The following GRAMD4 variants were observed in gnomAD, a reference collection of about 807,000 sequenced individuals.
GRAMD4 encodes GRAM domain containing 4, also known as GRAM domain-containing protein 4.
GRAMD4 carries 25 observed loss-of-function variants against 83.9 expected under a neutral mutation model. The observed-to-expected ratio is 0.30, with a 90% CI of 0.22 to 0.42. The LOEUF is 0.42. GRAMD4 is among the 10% of genes least tolerant of loss of function. The probability of loss-of-function intolerance (pLI) is 1.00; values close to 1 mark genes in which losing one functional copy is unlikely to be tolerated. For synonymous variants in GRAMD4, 336 were observed against 320.9 expected (o/e 1.05, Z -0.50); for missense variants, 593 against 788.7 (o/e 0.75, Z 2.97).
chr22:46,680,936 A>AC (rs927072090), downstream of GRAMD4, among the ~76,000 whole-genome samples: 12 of 24,986 alleles, frequency 4.8e-4, no homozygotes, highest in African/African-American at 2.1e-3. Flanking sequence ...CCATTTACCC[A>AC]CCCACCCACC....
intron 8 of GRAMD4, among the ~76,000 whole-genome samples, chr22:46,664,686 G>A (rs144638787): frequency 6.6e-6 from 1 of 152,258 alleles, no homozygotes; most frequent in Non-Finnish European, 1.5e-5. Flanking sequence ...TCCTCGGGGG[G>A]AGCCCCCTCA....
At chr22:46,663,410 G>A (rs544898983) in intron 6 of GRAMD4, among the ~76,000 whole-genome samples, 1 of 152,360 alleles carries the variant, frequency 6.6e-6, no homozygotes, top group East Asian at 1.9e-4. Context: ...TGTGGCTTGT[G>A]ACAGTTGTGT....
At chr22:46,576,587 T>C (rs576353223), upstream of GRAMD4, among the ~76,000 whole-genome samples, 7 of 152,280 alleles carry the variant, frequency 4.6e-5, no homozygotes, top group East Asian at 1.4e-3. Flanking sequence ...TGCGCGAGTC[T>C]AGCGGGGTTC....
At chr22:46,602,620 C>A (rs929913274) in intron 1 of GRAMD4, among the ~76,000 whole-genome samples, 6 of 151,912 alleles carry the variant, frequency 3.9e-5, no homozygotes, top group Non-Finnish European at 7.4e-5. Context: ...TGTGATCGTA[C>A]CACTGCACTC....
At chr22:46,662,188 G>A (rs988470804) in intron 5 of GRAMD4, among the ~76,000 whole-genome samples, 3 of 152,220 alleles carry the variant, frequency 2.0e-5, no homozygotes, top group Admixed American at 6.5e-5. Context: ...GGAAGAAGCC[G>A]CAGGAGCCTG....
chr22:46,617,816 T>TC (rs1423764174), upstream of GRAMD4, among the ~76,000 whole-genome samples: 1 of 152,106 alleles, frequency 6.6e-6, no homozygotes, highest in Non-Finnish European at 1.5e-5. Flanking sequence ...AAGGCTCAGC[T>TC]CCCCACATGG....
chr22:46,670,617 T>C (rs2082487861), intron 13 of GRAMD4, among the ~76,000 whole-genome samples: 1 of 152,094 alleles, frequency 6.6e-6, no homozygotes, highest in African/African-American at 2.4e-5. Context: ...CTGTCCTTTT[T>C]TTTCAAGACA....
Position 46,593,535 on chromosome 22 carries a change from A to C in GRAMD4, c.-50+16245A>C, listed in dbSNP as rs551088507. On this transcript the variant is annotated intron_variant, in intron 1 of 1. Coordinates refer to the GRAMD4 transcript ENST00000431155. ...GCGGGCAGAGGTGGGCTAGTGTTGC[A>C]TTAAGTGACTTCCCGTAGCAGGCTG... Among the ~76,000 whole-genome samples the C allele has an allele frequency of 3.9e-4, 59 of 152,018 alleles. No homozygotes were observed. In the South Asian group the frequency reaches 0.012, roughly 31 times the overall value.
intron 1 of GRAMD4, among the ~76,000 whole-genome samples, chr22:46,599,603 A>G (rs891831629): frequency 4.6e-5 from 7 of 152,332 alleles, no homozygotes; most frequent in African/African-American, 1.7e-4. Context: ...CTGGGATTAC[A>G]GGCATGAGCC....
intron 5 of GRAMD4, 29 bp from the exon 6 acceptor site, chr22:46,663,011 T>C (rs2082351779): frequency 3.8e-6 from 6 of 1,581,144 alleles, no homozygotes; most frequent in Non-Finnish European, 5.2e-6. Context: ...AGCCCTGCCG[T>C]GCCCTCACCG....
rs796795189 is a variant in GRAMD4, at chr22:46,603,392, G to A, written c.-49-23359G>A. ...CCGGCTAATTTTTTTGGTATTTTTA[G>A]TAGAGACGCGGTTTCACCGTGTTAA... On this transcript the variant is annotated intron_variant, in intron 1 of 1. Coordinates refer to the GRAMD4 transcript ENST00000431155. 5.3e-5 allele frequency among the ~76,000 whole-genome samples: 8 copies of A among 150,510 alleles called. No individual in the cohort carries two copies. The South Asian group carries it at 1.5e-3, about 28-fold the overall frequency.
At chr22:46,645,323 A>G (rs1319628891) in intron 3 of GRAMD4, among the ~76,000 whole-genome samples, 1 of 152,098 alleles carries the variant, frequency 6.6e-6, no homozygotes, top group African/African-American at 2.4e-5. Context: ...ACATTATGTA[A>G]TCTGGGGACC....
At chr22:46,642,583 G>A (rs2081988402) in intron 3 of GRAMD4, among the ~76,000 whole-genome samples, 1 of 152,136 alleles carries the variant, frequency 6.6e-6, no homozygotes, top group Non-Finnish European at 1.5e-5. Flanking sequence ...GTCTCTATTT[G>A]TTTCTTGTTC....
chr22:46,595,490 G>A (rs1487762261), intron 1 of GRAMD4, among the ~76,000 whole-genome samples: 1 of 152,252 alleles, frequency 6.6e-6, no homozygotes, highest in Non-Finnish European at 1.5e-5. Flanking sequence ...TTCTGGGCCT[G>A]GTGGTCAGTA....
intron 13 of GRAMD4, chr22:46,671,165 C>T (rs987788921): frequency 1.8e-5 from 8 of 452,838 alleles, no homozygotes; most frequent in Admixed American, 1.2e-4. Flanking sequence ...TCGGCCACCA[C>T]GTGGAGGAGG....
intron 13 of GRAMD4, chr22:46,671,068 G>A (rs1219501665): frequency 2.1e-6 from 1 of 468,208 alleles, no homozygotes; most frequent in African/African-American, 2.0e-5. Context: ...AGGGACCTCA[G>A]CTTAGAGGGG....
chr22:46,609,699 A>C (rs927174528), intron 1 of GRAMD4, among the ~76,000 whole-genome samples: 2 of 152,196 alleles, frequency 1.3e-5, no homozygotes, highest in African/African-American at 4.8e-5. Flanking sequence ...CGCATTGTGG[A>C]GTGCGAGTGC....
rs147714440 is a variant in GRAMD4 at position 46,584,906 on chromosome 22, G to A, written c.-50+7616G>A. ...GAAGGAGGAGAAAGGCTGCCGGCGG[G>A]ACGCTTTAGAGCTCAGACAAATCTC... is the stretch of plus-strand genomic sequence containing the variant. On this transcript the variant is annotated intron_variant, in intron 1 of 1. Transcript: ENST00000431155. Among the ~76,000 whole-genome samples, 948 of 152,344 alleles carry A rather than the reference G, an allele frequency of 6.2e-3. 11 individuals are homozygous for A. Among genetic ancestry groups the A allele is most frequent in the African/African-American group, 0.022 (918 of 41,582 alleles).
chr22:46,587,519 G>C (rs895240060), intron 1 of GRAMD4, among the ~76,000 whole-genome samples: 9 of 151,766 alleles, frequency 5.9e-5, no homozygotes, highest in Admixed American at 2.0e-4. Flanking sequence ...TCCAACTAGG[G>C]GGATAGTCAG....
Sources: allele counts gnomAD v4.1 joint callset (sites outside exome capture counted in the v4.1 genomes callset), GRCh38; gene constraint gnomAD v4.1.1; transcripts MANE v1.5; gene names NCBI Gene and HGNC (gene_info 2026-07-23, HGNC 2026-07-21).